PCDHAC1: variants seen among roughly 807,000 people sequenced by gnomAD.
PCDHAC1 encodes the protein protocadherin alpha-C1.
In PCDHAC1, 42 loss-of-function variants were observed where a neutral mutation model predicts 60.0. That is an observed-to-expected ratio of 0.70 (90% CI 0.55 to 0.90). PCDHAC1 has a LOEUF of 0.90. PCDHAC1 is among the 40% of genes least tolerant of loss of function. The pLI, the probability that PCDHAC1 is intolerant of heterozygous loss-of-function variation, is 0.00. For synonymous variants in PCDHAC1, 468 were observed against 499.3 expected (o/e 0.94, Z 0.84); for missense variants, 1,160 against 1,222.3 (o/e 0.95, Z 0.76).
chr5:141,000,418 T>C (rs2097923101), intron 3 of PCDHAC1, among the ~76,000 whole-genome samples: 1 of 83,682 alleles, frequency 1.2e-5, no homozygotes, highest in Admixed American at 1.7e-4. Flanking sequence ...TATATATATA[T>C]ATATTTTTTT....
At chr5:140,985,884 C>T (rs1263620553) in intron 3 of PCDHAC1, among the ~76,000 whole-genome samples, 4 of 151,722 alleles carry the variant, frequency 2.6e-5, no homozygotes, top group East Asian at 3.9e-4. Context: ...GGACTACAGG[C>T]GCCCGCCACC....
At chr5:140,981,001 C>A (rs2096914160) in intron 2 of PCDHAC1, among the ~76,000 whole-genome samples, 1 of 151,906 alleles carries the variant, frequency 6.6e-6, no homozygotes, top group Non-Finnish European at 1.5e-5. Flanking sequence ...CTAGTAGGAT[C>A]CAGGAACACT....
At position 140,926,741 on chromosome 5, in the gene PCDHAC1, A is replaced by G. The variant is rs572260372; in HGVS notation, c.-152A>G. 1.7e-6 allele frequency: 2 copies of G among 1,192,504 alleles called. No individual in the cohort carries two copies. The highest frequency in any genetic ancestry group is 2.4e-5 in the South Asian group (1 of 41,824). 73.9% of individuals were successfully genotyped at this position (1,192,504 alleles called of 1,614,324 possible). ...GCAATGCCGGCGTTCGGGAGGCGCA[A>G]CGTCGGCGGTCGCTGAGTATCCAGC... On this transcript the variant is annotated 5_prime_UTR_variant, in exon 1 of 4. Coordinates refer to ENST00000253807, the MANE Select transcript of PCDHAC1 (RefSeq NM_018898.5).
chr5:140,934,235 A>G (rs1202721010), intron 1 of PCDHAC1, among the ~76,000 whole-genome samples: 1 of 152,048 alleles, frequency 6.6e-6, no homozygotes, highest in Non-Finnish European at 1.5e-5. Flanking sequence ...TTTGTACTTA[A>G]TTGTGGAGAT....
intron 3 of PCDHAC1, among the ~76,000 whole-genome samples, chr5:140,995,850 C>T (rs924455609): frequency 3.9e-5 from 6 of 152,080 alleles, no homozygotes; most frequent in African/African-American, 1.4e-4. Context: ...ACATTTCTAT[C>T]GTATCACTTA....
At position 140,982,510 on chromosome 5, in the gene PCDHAC1, C is replaced by T; in HGVS notation, c.2528C>T (p.Ala843Val). 6.2e-7 allele frequency: 1 copy of T among 1,614,170 alleles called. No homozygotes were observed. The highest frequency in any genetic ancestry group is 8.5e-7 in the Non-Finnish European group (1 of 1,180,020). The change falls in exon 3 of 4, where the codon GCT becomes GTT. Residue 843 changes from alanine to valine, a missense_variant. Ala to Val is a moderately conservative substitution (Grantham distance 64, BLOSUM62 0). Coordinates refer to ENST00000253807, the MANE Select transcript of PCDHAC1 (RefSeq NM_018898.5). ...CTAGAGGAGGCTGGCATTCTACGGGCTGGTCCAGGAGGGCCTGATCAGCAG... is the reference window on the plus strand; with the variant it reads ...CTAGAGGAGGCTGGCATTCTACGGGTTGGTCCAGGAGGGCCTGATCAGCAG... ...VHLEEAGILR[A>V]GPGGPDQQWP...
intron 3 of PCDHAC1, among the ~76,000 whole-genome samples, chr5:140,998,786 A>G (rs1210415944): frequency 1.3e-5 from 2 of 152,026 alleles, no homozygotes; most frequent in African/African-American, 4.8e-5. Flanking sequence ...CTGGTCTGGA[A>G]CCCCTGACCT....
chr5:140,994,786 T>C (rs1219918332), intron 3 of PCDHAC1, among the ~76,000 whole-genome samples: 4 of 152,086 alleles, frequency 2.6e-5, no homozygotes, highest in Non-Finnish European at 5.9e-5. Context: ...AAGGAAACAA[T>C]GCGTGCATGC....
chr5:140,985,955 G>A (rs1284756138), intron 3 of PCDHAC1, among the ~76,000 whole-genome samples: 1 of 151,674 alleles, frequency 6.6e-6, no homozygotes, highest in Non-Finnish European at 1.5e-5. Flanking sequence ...TAGCCAGGAT[G>A]GTCTCAATCT....
intron 3 of PCDHAC1, among the ~76,000 whole-genome samples, chr5:140,992,848 C>T (rs2097530967): frequency 6.6e-6 from 1 of 152,124 alleles, no homozygotes; most frequent in Non-Finnish European, 1.5e-5. Flanking sequence ...TGTATAACAA[C>T]CAGTTTCACT....
At chr5:140,967,142 C>T in intron 1 of PCDHAC1, 1 of 1,611,304 alleles carries the variant, frequency 6.2e-7, no homozygotes, top group Non-Finnish European at 8.5e-7. Flanking sequence ...AGTGCTGGCG[C>T]ACAACCCCGT....
At chr5:140,953,530 C>T (rs923959885) in intron 1 of PCDHAC1, among the ~76,000 whole-genome samples, 3 of 152,158 alleles carry the variant, frequency 2.0e-5, no homozygotes, top group Admixed American at 6.5e-5. Context: ...ACGGGAAACT[C>T]ACTTCATGCT....
At chr5:140,996,832 T>G (rs1338616787) in intron 3 of PCDHAC1, among the ~76,000 whole-genome samples, 1 of 152,212 alleles carries the variant, frequency 6.6e-6, no homozygotes, top group African/African-American at 2.4e-5. Flanking sequence ...TACCAATAAT[T>G]TAGCGTGCAT....
At chr5:140,956,890 G>T (rs2095318198) in intron 1 of PCDHAC1, among the ~76,000 whole-genome samples, 3 of 152,136 alleles carry the variant, frequency 2.0e-5, no homozygotes, top group Non-Finnish European at 4.4e-5. Context: ...ATCAATGAAT[G>T]AATATTCTTA....
At chr5:140,951,440 A>G (rs1296002857) in intron 1 of PCDHAC1, among the ~76,000 whole-genome samples, 2 of 152,004 alleles carry the variant, frequency 1.3e-5, no homozygotes, top group Non-Finnish European at 2.9e-5. Flanking sequence ...TGTAGGAAGC[A>G]TGATGCCGGC....
At chr5:141,007,149 T>G (rs980574316) in intron 3 of PCDHAC1, among the ~76,000 whole-genome samples, 12 of 152,084 alleles carry the variant, frequency 7.9e-5, no homozygotes, top group African/African-American at 2.9e-4. Context: ...CAAAGGAAAC[T>G]GTCAAAGAAC....
intron 1 of PCDHAC1, among the ~76,000 whole-genome samples, chr5:140,947,914 GCCTTAAC>G (rs2094192185): frequency 6.6e-6 from 1 of 151,456 alleles, no homozygotes. Context: ...AGACATTCTT[GCCTTAAC>G]CCTGATCTTA....
chr5:140,980,819 A>C (rs1178317133), intron 2 of PCDHAC1, among the ~76,000 whole-genome samples: 1 of 152,216 alleles, frequency 6.6e-6, no homozygotes, highest in East Asian at 1.9e-4. Context: ...TGAACATATT[A>C]AATGAGTTGT....
Position 141,009,910 on chromosome 5 carries a change from C to G in PCDHAC1, c.2865C>G (p.Asn955Lys), listed in dbSNP as rs1554262551. ...CCCAGGAGAAAAAAGAGAAAGGGAA[C>G]AGCACGACTGACAACAGTGACCAGT... The part of the protein sequence containing the change: ...NKTQEKKEKG[N>K]STTDNSDQ Residue 955 changes from asparagine to lysine, a missense_variant, in exon 4 of 4, where the codon AAC (asparagine) becomes AAG (lysine). Physicochemically the swap from Asn to Lys is moderately conservative, Grantham distance 94 (BLOSUM62 0). This residue lies in a region of PCDHAC1 where 1,113 missense variants were observed against 1,163.7 expected (regional missense o/e 0.96). Transcript: ENST00000253807. 28 of 1,612,616 alleles carry G rather than the reference C, an allele frequency of 1.7e-5. No homozygotes were observed. Among genetic ancestry groups the G allele is most frequent in the African/African-American group, 5.4e-5 (4 of 74,736 alleles).
Sources: gnomAD v4.1 joint callset for allele counts (sites outside exome capture counted in the v4.1 genomes callset) on GRCh38, gnomAD v4.1.1 for gene constraint, gnomAD v4.1.1 regional missense constraint, MANE v1.5 for transcripts, NCBI Gene and HGNC (gene_info 2026-07-23, HGNC 2026-07-21) for gene names.